Variants in ANO6 observed in about 807,000 individuals in gnomAD.
ANO6 encodes the protein anoctamin-6.
In ANO6, 106 loss-of-function variants were observed where a neutral mutation model predicts 117.5. The observed-to-expected ratio is 0.90, with a 90% CI of 0.77 to 1.06. The LOEUF (loss-of-function observed/expected upper bound fraction) is 1.06, where lower values mean the gene tolerates loss of function less well. ANO6 is among the 50% of genes least tolerant of loss of function. ANO6 has a pLI of 0.00. For missense variants in ANO6, 955 were observed against 1,121.1 expected (o/e 0.85, Z 2.12); for synonymous variants, 367 against 385.1 (o/e 0.95, Z 0.55).
intron 9 of ANO6, among the ~76,000 whole-genome samples, chr12:45,377,225 T>C (rs868502676): frequency 6.6e-6 from 1 of 152,122 alleles, no homozygotes; most frequent in Non-Finnish European, 1.5e-5. Flanking sequence ...ATAATATGCT[T>C]GTCACTTTTT....
intron 8 of ANO6, 43 bp from the exon 9 acceptor site, chr12:45,367,645 G>A: frequency 1.3e-6 from 2 of 1,515,262 alleles, no homozygotes; most frequent in Non-Finnish European, 1.8e-6. Flanking sequence ...TTATCATGCT[G>A]CTTTAAATTT....
rs1943597460 is a variant in ANO6 at position 45,430,066 on chromosome 12, A to G, written c.*755A>G. 4 of 985,360 alleles carry G rather than the reference A, an allele frequency of 4.1e-6. No individual in the cohort carries two copies. Among genetic ancestry groups the G allele is most frequent in the Non-Finnish European group, 4.8e-6 (4 of 829,946 alleles). The allele number at this position is 985,360 out of a possible 1,614,324, so 61.0% of individuals were successfully genotyped here. On this transcript the variant is annotated 3_prime_UTR_variant, in exon 20 of 20. Transcript: ENST00000320560. Reference sequence around the variant, plus strand: ...GCTTTGCAGATCTCAAGGGAATAAAATGACAAAAGCAGGGAAAGTTACAGA... The same window carrying G: ...GCTTTGCAGATCTCAAGGGAATAAAGTGACAAAAGCAGGGAAAGTTACAGA...
Position 45,430,451 on chromosome 12 carries a change from C to T in ANO6, c.*1140C>T, listed in dbSNP as rs1943604831. 1.0e-6 allele frequency: 1 copy of T among 985,388 alleles called. No homozygotes were observed. Among genetic ancestry groups the T allele is most frequent in the Non-Finnish European group, 1.2e-6 (1 of 829,922 alleles). 61.0% of individuals were successfully genotyped at this position (985,388 alleles called of 1,614,324 possible). ...TCTGTATGCCAAAGTGATCAACACA[C>T]CAAAGTCTCTGCCATAAAGAATGTG... On this transcript the variant is annotated 3_prime_UTR_variant, in exon 20 of 20. Transcript: ENST00000320560.
chr12:45,301,539 C>T (rs1592936717), intron 1 of ANO6, among the ~76,000 whole-genome samples: 1 of 151,664 alleles, frequency 6.6e-6, no homozygotes, highest in Admixed American at 6.6e-5. Flanking sequence ...ATCACTTGAG[C>T]CCAGGAGGTC....
Position 45,349,641 on chromosome 12 carries a change from G to A in ANO6, c.747+1010G>A, listed in dbSNP as rs77716747. Among the ~76,000 whole-genome samples the A allele has an allele frequency of 7.4e-3, 1,124 of 152,232 alleles. 8 individuals carry two copies. Among genetic ancestry groups the A allele is most frequent in the African/African-American group, 0.026 (1,067 of 41,518 alleles). Reference sequence around the variant, plus strand: ...AGTACATGTATTTGTGGATAGAGACGATATTGAAATGTACTGAATAACATA... The same window carrying A: ...AGTACATGTATTTGTGGATAGAGACAATATTGAAATGTACTGAATAACATA... On this transcript the variant is annotated intron_variant, in intron 6 of 19. Coordinates refer to ENST00000320560, the MANE Select transcript of ANO6 (RefSeq NM_001025356.3).
chr12:45,220,778 C>T (rs920090699), intron 1 of ANO6, among the ~76,000 whole-genome samples: 1 of 152,122 alleles, frequency 6.6e-6, no homozygotes, highest in Non-Finnish European at 1.5e-5. Flanking sequence ...GGGGGCTGGT[C>T]ACTGGAAAGA....
intron 13 of ANO6, 79 bp downstream of exon 13, chr12:45,402,099 C>T (rs533913133): frequency 4.0e-4 from 493 of 1,237,220 alleles, no homozygotes; most frequent in Middle Eastern, 2.5e-3. Flanking sequence ...ATCTTTTAGG[C>T]GTTTCAATTC....
At position 45,403,067 on chromosome 12, in the gene ANO6, T is replaced by G. The variant is rs767050145; in HGVS notation, c.1613-5T>G. 6.2e-7 allele frequency: 1 copy of G among 1,613,612 alleles called. No individual in the cohort carries two copies. Among genetic ancestry groups the G allele is most frequent in the Admixed American group, 1.7e-5 (1 of 60,004 alleles). The stretch of plus-strand genomic sequence containing the variant: ...AAATCTTATTTCTCTTTCTTTTAAC[T>G]ACAGAACTCCCAAGGACCCAGACTG... On this transcript the variant is annotated splice_polypyrimidine_tract_variant and splice_region_variant and intron_variant, in intron 13 of 19. Transcript: ENST00000320560.
At chr12:45,268,323 C>T (rs952863889) in intron 1 of ANO6, among the ~76,000 whole-genome samples, 7 of 152,090 alleles carry the variant, frequency 4.6e-5, no homozygotes, top group African/African-American at 1.7e-4. Flanking sequence ...GATTCCAAGA[C>T]CAGCCTGGCC....
intron 1 of ANO6, among the ~76,000 whole-genome samples, chr12:45,239,271 A>T (rs1432937508): frequency 6.6e-6 from 1 of 152,078 alleles, no homozygotes; most frequent in Non-Finnish European, 1.5e-5. Flanking sequence ...AGTCTTGGGA[A>T]GTTGTATGTG....
intron 9 of ANO6, among the ~76,000 whole-genome samples, chr12:45,375,475 C>G (rs1373071887): frequency 6.6e-6 from 1 of 152,146 alleles, no homozygotes; most frequent in African/African-American, 2.4e-5. Context: ...CTACAGTAAC[C>G]AAAACAGCAT....
chr12:45,226,454 G>A (rs1203826342), intron 1 of ANO6, among the ~76,000 whole-genome samples: 1 of 148,490 alleles, frequency 6.7e-6, no homozygotes, highest in Non-Finnish European at 1.5e-5. Context: ...GGCACTTAAA[G>A]TTCTCTTTTC....
Position 45,331,378 on chromosome 12 carries a change from A to G in ANO6, c.234A>G (p.Glu78=), listed in dbSNP as rs751811799. 6.2e-7 allele frequency: 1 copy of G among 1,609,008 alleles called. No individual in the cohort carries two copies. Among genetic ancestry groups the G allele is most frequent in the Admixed American group, 1.7e-5 (1 of 59,626 alleles). ...ACTTTGTTCTAGTATATGAGGATGA[A>G]AGCAGAAAAGAGACCAATAAAAAGG... ...RIDFVLVYED[E]SRKETNKKGT... is the part of the protein sequence containing the mutation. The change falls in exon 3 of 20, where the codon GAA becomes GAG. Residue 78 remains glutamate, a synonymous_variant. Coordinates refer to ENST00000320560, the MANE Select transcript of ANO6 (RefSeq NM_001025356.3).
intron 7 of ANO6, among the ~76,000 whole-genome samples, chr12:45,355,802 G>A (rs1227011757): frequency 6.6e-6 from 1 of 152,142 alleles, no homozygotes; most frequent in East Asian, 1.9e-4. Flanking sequence ...TTCCCTGTGA[G>A]TGCTTGTCCA....
chr12:45,375,685 A>G (rs1941991227), intron 9 of ANO6, among the ~76,000 whole-genome samples: 1 of 150,584 alleles, frequency 6.6e-6, no homozygotes, highest in African/African-American at 2.4e-5. Context: ...CCTTCCTTAC[A>G]CCTTTTACAA....
At chr12:45,410,140 G>A (rs143578163) in intron 16 of ANO6, among the ~76,000 whole-genome samples, 1 of 152,212 alleles carries the variant, frequency 6.6e-6, no homozygotes, top group African/African-American at 2.4e-5. Context: ...ATTCAGCTTG[G>A]CCTGGAGTCC....
chr12:45,345,122 A>G lies in ANO6; in HGVS notation c.280-1900A>G, dbSNP rs549452864. ...TGTTCAAATTGCAGCCAATAGTTAA[A>G]TGTACTATATCTGAACAGCTCTTAG... On this transcript the variant is annotated intron_variant, in intron 3 of 19. Coordinates refer to ENST00000320560, the MANE Select transcript of ANO6 (RefSeq NM_001025356.3). Among the ~76,000 whole-genome samples the G allele has an allele frequency of 7.2e-5, 11 of 152,312 alleles. No homozygotes were observed. The South Asian group carries it at 2.1e-3, about 29-fold the overall frequency.
At chr12:45,369,861 C>T (rs1014496801) in intron 9 of ANO6, among the ~76,000 whole-genome samples, 2 of 152,154 alleles carry the variant, frequency 1.3e-5, no homozygotes, top group African/African-American at 4.8e-5. Flanking sequence ...AGATTCTTAG[C>T]TTTCTAGCTG....
intron 8 of ANO6, among the ~76,000 whole-genome samples, chr12:45,360,992 ACTTC>A (rs1455842538): frequency 2.0e-5 from 3 of 152,006 alleles, no homozygotes; most frequent in African/African-American, 7.2e-5. Flanking sequence ...AACTTTGTAA[ACTTC>A]AAATTTTCGT....
Sources: gnomAD v4.1 joint callset for allele counts (sites outside exome capture counted in the v4.1 genomes callset) on GRCh38, gnomAD v4.1.1 for gene constraint, MANE v1.5 for transcripts, NCBI Gene and HGNC (gene_info 2026-07-23, HGNC 2026-07-21) for gene names.